Variants in NFIA observed in about 807,000 individuals in gnomAD.
The protein encoded by NFIA is nuclear factor 1 A-type.
In NFIA, 8 loss-of-function variants were observed where a neutral mutation model predicts 62.8. The observed-to-expected ratio is 0.13, with a 90% CI of 0.07 to 0.23. The LOEUF (loss-of-function observed/expected upper bound fraction) is 0.23, where lower values mean the gene tolerates loss of function less well. Among genes scored for constraint, NFIA ranks in the 10% least tolerant of loss-of-function variants. The pLI is 1.00. For missense variants in NFIA, 410 were observed against 642.1 expected, an observed-to-expected ratio of 0.64 and a Z score of 3.91; for synonymous variants, 235 against 238.1, an observed-to-expected ratio of 0.99 and a Z score of 0.12.
At chr1:61,083,237 G>A (rs907119780) in intron 1 of NFIA, among the ~76,000 whole-genome samples, 8 of 152,024 alleles carry the variant, frequency 5.3e-5, no homozygotes, top group African/African-American at 9.7e-5. Flanking sequence ...ATTCCGTAGT[G>A]CCGCAGCGCC....
At chr1:61,287,240 T>A (rs535277689) in intron 3 of NFIA, among the ~76,000 whole-genome samples, 80 of 152,288 alleles carry the variant, frequency 5.3e-4, no homozygotes, top group Middle Eastern at 3.4e-3. Flanking sequence ...AAAGACCTCA[T>A]TCATAGCATT....
intron 3 of NFIA, among the ~76,000 whole-genome samples, chr1:61,330,539 A>G (rs571658557): frequency 1.1e-4 from 17 of 151,706 alleles, no homozygotes; most frequent in Admixed American, 2.6e-4. Flanking sequence ...TGGACACAAG[A>G]AAAGGGGGCA....
intron 9 of NFIA, among the ~76,000 whole-genome samples, chr1:61,419,965 G>T (rs1666531415): frequency 6.6e-6 from 1 of 152,130 alleles, no homozygotes; most frequent in Non-Finnish European, 1.5e-5. Flanking sequence ...ATAGGACGAG[G>T]TAGCTGTACA....
At chr1:61,203,573 T>C (rs753992229) in intron 2 of NFIA, among the ~76,000 whole-genome samples, 14 of 152,136 alleles carry the variant, frequency 9.2e-5, no homozygotes, top group Non-Finnish European at 1.5e-4. Context: ...GGAACACATA[T>C]CTCTTCTTTT....
At chr1:61,305,400 G>A (rs901992148) in intron 3 of NFIA, among the ~76,000 whole-genome samples, 1 of 152,142 alleles carries the variant, frequency 6.6e-6, no homozygotes, top group Non-Finnish European at 1.5e-5. Context: ...ACGGCCATTG[G>A]CTGCACCTGC....
chr1:61,184,209 T>C (rs1650978014), intron 2 of NFIA, among the ~76,000 whole-genome samples: 1 of 151,672 alleles, frequency 6.6e-6, no homozygotes, highest in Non-Finnish European at 1.5e-5. Context: ...GGGACTCGGC[T>C]TGCTTCTCCT....
intron 2 of NFIA, among the ~76,000 whole-genome samples, chr1:61,108,573 A>G (rs1478255490): frequency 6.6e-6 from 1 of 151,606 alleles, no homozygotes; most frequent in African/African-American, 2.4e-5. Context: ...TATCTTCCTT[A>G]CCCTTCTCAT....
intron 9 of NFIA, among the ~76,000 whole-genome samples, chr1:61,410,293 T>C (rs908951558): frequency 2.0e-5 from 3 of 152,144 alleles, no homozygotes; most frequent in African/African-American, 7.2e-5. Context: ...GAACTTTTCT[T>C]CTGAAACCAG....
intron 10 of NFIA, among the ~76,000 whole-genome samples, chr1:61,454,891 C>T (rs1423946651): frequency 6.6e-6 from 1 of 152,210 alleles, no homozygotes; most frequent in Non-Finnish European, 1.5e-5. Flanking sequence ...TTTACCCATT[C>T]TCCATTCATT....
intron 10 of NFIA, among the ~76,000 whole-genome samples, chr1:61,451,881 C>T (rs1178730196): frequency 2.0e-5 from 3 of 152,178 alleles, no homozygotes; most frequent in African/African-American, 7.2e-5. Context: ...AAGCTTATGT[C>T]ACTAAATGTC....
At chr1:61,339,988 T>C (rs1661813716) in intron 4 of NFIA, among the ~76,000 whole-genome samples, 1 of 152,248 alleles carries the variant, frequency 6.6e-6, no homozygotes, top group Non-Finnish European at 1.5e-5. Context: ...AATACGCTTA[T>C]GACATTAGTG....
chr1:61,084,671 G>A (rs1646186831), intron 1 of NFIA, among the ~76,000 whole-genome samples: 1 of 152,138 alleles, frequency 6.6e-6, no homozygotes, highest in South Asian at 2.1e-4. Flanking sequence ...CTGCAATAAA[G>A]GGAAAGGACC....
chr1:61,111,843 C>A (rs192037193), intron 2 of NFIA, among the ~76,000 whole-genome samples: 2 of 152,010 alleles, frequency 1.3e-5, no homozygotes, highest in Non-Finnish European at 2.9e-5. Context: ...ATATAAAAAA[C>A]CAAAAATGAT....
chr1:61,176,233 C>G (rs975406728), intron 2 of NFIA, among the ~76,000 whole-genome samples: 1 of 152,224 alleles, frequency 6.6e-6, no homozygotes, highest in Non-Finnish European at 1.5e-5. Context: ...AGTCTCCTAG[C>G]AGGGCCATAC....
chr1:61,213,790 A>T (rs887398408), intron 2 of NFIA, among the ~76,000 whole-genome samples: 1 of 151,950 alleles, frequency 6.6e-6, no homozygotes, highest in Non-Finnish European at 1.5e-5. Context: ...ATGTTACCCA[A>T]CTTCTCCTGG....
chr1:61,251,134 G>T (rs1179869743), intron 2 of NFIA: 2 of 152,098 alleles, frequency 1.3e-5, no homozygotes, highest in African/African-American at 4.8e-5. Flanking sequence ...CTTAGCCCTG[G>T]CTCACTTTTC....
intron 2 of NFIA, among the ~76,000 whole-genome samples, chr1:61,234,887 C>A (rs1050048132): frequency 6.6e-6 from 1 of 152,166 alleles, no homozygotes; most frequent in Non-Finnish European, 1.5e-5. Context: ...GTGGCTACAT[C>A]TGCATTGTTT....
chr1:61,204,869 T>A (rs914245455), intron 2 of NFIA, among the ~76,000 whole-genome samples: 1 of 131,048 alleles, frequency 7.6e-6, no homozygotes, highest in African/African-American at 2.5e-5. Flanking sequence ...TAGGTAGAGC[T>A]TTTTTCTCTA....
chr1:61,155,627 T>C (rs979514288), intron 2 of NFIA, among the ~76,000 whole-genome samples: 2 of 128,072 alleles, frequency 1.6e-5, no homozygotes, highest in African/African-American at 6.0e-5. Flanking sequence ...GAGCCGAGAT[T>C]GCGCCACTGC....
Sources: allele counts gnomAD v4.1 joint callset (sites outside exome capture counted in the v4.1 genomes callset), GRCh38; gene constraint gnomAD v4.1.1; transcripts MANE v1.5; gene names NCBI Gene and HGNC (gene_info 2026-07-23, HGNC 2026-07-21).